Variants in AREG observed in about 807,000 individuals in gnomAD.
AREG encodes amphiregulin B.
In AREG, 16 loss-of-function variants were observed where a neutral mutation model predicts 28.0. That is an observed-to-expected ratio of 0.57 (90% CI 0.39 to 0.87). The LOEUF is 0.87. AREG is among the 40% of genes least tolerant of loss of function. The pLI, the probability that AREG is intolerant of heterozygous loss-of-function variation, is 0.00. For synonymous variants in AREG, 113 were observed against 113.5 expected, an observed-to-expected ratio of 1.00 and a Z score of 0.02; for missense variants, 287 against 309.1, an observed-to-expected ratio of 0.93 and a Z score of 0.53.
intron 2 of AREG, among the ~76,000 whole-genome samples, chr4:74,448,381 C>A (rs1384750952): frequency 2.0e-5 from 3 of 152,162 alleles, no homozygotes; most frequent in Admixed American, 6.5e-5. Context: ...ATCTTTGATA[C>A]CCTAGTTGAC....
At position 74,448,694 on chromosome 4, in the gene AREG, G is replaced by A. The variant is rs982360218; in HGVS notation, c.311-353G>A. 4.5e-4 allele frequency: 93 copies of A among 204,576 alleles called. 2 individuals carry two copies. The highest frequency in any genetic ancestry group is 1.7e-3 in the African/African-American group (74 of 42,972). 12.7% of individuals were successfully genotyped at this position (204,576 alleles called of 1,614,324 possible). ...TCCTGTTTTCAAATAGATTGACCAC[G>A]AAAATGAGCTCCATGGAAATTATCA... On this transcript the variant is annotated intron_variant, in intron 2 of 5. Coordinates refer to ENST00000395748, the MANE Select transcript of AREG (RefSeq NM_001657.4).
chr4:74,445,699 C>G (rs1578843075), intron 1 of AREG, among the ~76,000 whole-genome samples: 1 of 152,144 alleles, frequency 6.6e-6, no homozygotes, highest in East Asian at 1.9e-4. Context: ...TTAAAAAGAC[C>G]AAGATCTAGA....
chr4:74,454,618 C>G, intron 5 of AREG, 141 bp from the exon 6 acceptor site: 1 of 511,342 alleles, frequency 2.0e-6, no homozygotes, highest in Non-Finnish European at 3.4e-6. Flanking sequence ...TAGCATTTCT[C>G]AAACGATGTA....
chr4:74,446,906 C>T, intron 2 of AREG, 124 bp downstream of exon 2: 1 of 1,583,154 alleles, frequency 6.3e-7, no homozygotes. Flanking sequence ...GTTGGATAGC[C>T]CCTAGGTAAA....
In AREG at chr4:74,445,303, C is replaced by T. The variant is rs769289496; in HGVS notation, c.-43C>T. 3.8e-6 allele frequency: 6 copies of T among 1,598,838 alleles called. No individual in the cohort carries two copies. Among genetic ancestry groups the T allele is most frequent in the South Asian group, 3.4e-5 (3 of 88,640 alleles). ...TGGCGGCAGCTCGTGTCCCAGAGACCGAGTTGCCCCAGAGACCGAGACGCC... is the reference window on the plus strand; with the variant it reads ...TGGCGGCAGCTCGTGTCCCAGAGACTGAGTTGCCCCAGAGACCGAGACGCC... On this transcript the variant is annotated 5_prime_UTR_variant, in exon 1 of 6. Transcript: ENST00000395748.
At chr4:74,446,490 C>T (rs1719289552) in intron 1 of AREG, 44 bp from the exon 2 acceptor site, 1 of 1,613,800 alleles carries the variant, frequency 6.2e-7, no homozygotes, top group Non-Finnish European at 8.5e-7. Flanking sequence ...CGAAAGGCAC[C>T]CTACTTTACC....
rs1051418205 is a variant in AREG at position 74,454,851 on chromosome 4, A to G, written c.*111A>G. The G allele has an allele frequency of 2.9e-6, 2 of 699,620 alleles. No individual in the cohort carries two copies. The highest frequency in any genetic ancestry group is 1.7e-5 in the African/African-American group (1 of 57,148). The allele number at this position is 699,620 out of a possible 1,614,324, so 43.3% of individuals were successfully genotyped here. ...CATAAGACAATGGACCCTTTTTGTT[A>G]TGATGGTTTTAAACTTTCAATTGTC... On this transcript the variant is annotated 3_prime_UTR_variant, in exon 6 of 6. Transcript: ENST00000395748.
At chr4:74,451,695 A>T (rs1178791100) in intron 4 of AREG, among the ~76,000 whole-genome samples, 1 of 152,200 alleles carries the variant, frequency 6.6e-6, no homozygotes, top group Non-Finnish European at 1.5e-5. Flanking sequence ...ATTTTAAAGG[A>T]TAGAACAAAA....
In AREG at chr4:74,445,238, A is replaced by G. The variant is rs7656521; in HGVS notation, c.-108A>G. Reference sequence around the variant, plus strand: ...CCCCAAGCCTTCGAGAGCGGCGCACACTCCCGGTCTCCACTCGCTCTTCCA... The same window carrying G: ...CCCCAAGCCTTCGAGAGCGGCGCACGCTCCCGGTCTCCACTCGCTCTTCCA... On this transcript the variant is annotated 5_prime_UTR_variant, in exon 1 of 6. Coordinates refer to ENST00000395748, the MANE Select transcript of AREG (RefSeq NM_001657.4). 2 of 1,539,844 alleles carry G rather than the reference A, an allele frequency of 1.3e-6. No homozygotes were observed. Among genetic ancestry groups the G allele is most frequent in the South Asian group, 1.2e-5 (1 of 83,558 alleles).
At chr4:74,453,180 CTAAA>C (rs1719407441) in intron 5 of AREG, among the ~76,000 whole-genome samples, 1 of 152,132 alleles carries the variant, frequency 6.6e-6, no homozygotes, top group South Asian at 2.1e-4. Context: ...ATGGCTTAAT[CTAAA>C]TGAGTGTTAG....
chr4:74,448,885 TAG>T, intron 2 of AREG, 160 bp from the exon 3 acceptor site: 1 of 1,005,290 alleles, frequency 9.9e-7, no homozygotes, highest in Non-Finnish European at 1.4e-6. Context: ...AATTATAAAT[TAG>T]GGTTATGCAG....
In AREG at chr4:74,452,035, A is replaced by G. The variant is rs1719389340; in HGVS notation, c.666-509A>G. 5.9e-5 allele frequency among the ~76,000 whole-genome samples: 9 copies of G among 152,326 alleles called. No individual in the cohort carries two copies. The South Asian group carries it at 1.2e-3, about 21-fold the overall frequency. On this transcript the variant is annotated intron_variant, in intron 4 of 5. Transcript: ENST00000395748. The stretch of plus-strand genomic sequence containing the variant: ...GACCTCCTAACAACAGGGGGTTTTT[A>G]TACAACAACAAGAAGTTTTTAAATA...
chr4:74,445,434 G>A, intron 1 of AREG, 28 bp downstream of exon 1: 1 of 1,599,454 alleles, frequency 6.3e-7, no homozygotes, highest in Non-Finnish European at 8.5e-7. Context: ...CTGAACTGCT[G>A]GGCTCTCCTC....
rs905552599 is a variant in AREG at position 74,446,270 on chromosome 4, C to T, written c.62-264C>T. Among the ~76,000 whole-genome samples the T allele has an allele frequency of 3.5e-4, 54 of 152,148 alleles. 1 individual carries two copies. Among genetic ancestry groups the T allele is most frequent in the South Asian group, 1.2e-3 (6 of 4,826 alleles). ...GTATTAGATTAATTTGCCAATTTGG[C>T]GGGATTTTTTTGATGTGGAAATTAA... On this transcript the variant is annotated intron_variant, in intron 1 of 5. Transcript: ENST00000395748.
intron 1 of AREG, among the ~76,000 whole-genome samples, chr4:74,445,778 C>G (rs908538149): frequency 6.6e-6 from 1 of 152,164 alleles, no homozygotes; most frequent in Non-Finnish European, 1.5e-5. Flanking sequence ...TTCTCCATCT[C>G]TGTCTAGTGA....
rs1719339975 is a variant in AREG at position 74,449,141 on chromosome 4, A to C, written c.405A>C (p.Lys135Asn). 1 of 1,612,832 alleles carries C rather than the reference A, an allele frequency of 6.2e-7. No homozygotes were observed. Among genetic ancestry groups the C allele is most frequent in the Non-Finnish European group, 8.5e-7 (1 of 1,179,732 alleles). Residue 135 changes from lysine to asparagine, a missense_variant, in exon 3 of 6, where the codon AAA becomes AAC. Transcript: ENST00000395748. ...KRKKKGGKNG[K>N]NRRNRKKKNP... ...AGAAAAAGGGAGGCAAAAATGGAAA[A>C]AATAGAAGAAACAGAAAGAAGAAAA...
intron 5 of AREG, 58 bp downstream of exon 5, chr4:74,452,713 CTATA>C (rs1287710948): frequency 1.7e-5 from 24 of 1,445,172 alleles, no homozygotes; most frequent in Non-Finnish European, 9.4e-7. Flanking sequence ...AAATTTAACA[CTATA>C]TAATCTCAAG....
At chr4:74,450,014 G>C (rs1719357282) in intron 3 of AREG, among the ~76,000 whole-genome samples, 1 of 150,658 alleles carries the variant, frequency 6.6e-6, no homozygotes, top group Non-Finnish European at 1.5e-5. Context: ...GGTAATTTTT[G>C]CATAATCTTT....
chr4:74,452,779 G>A, intron 5 of AREG, 124 bp downstream of exon 5: 1 of 815,964 alleles, frequency 1.2e-6, no homozygotes, highest in South Asian at 1.9e-5. Flanking sequence ...CAATGGCTAT[G>A]TTAAAGTATT....
Sources: gnomAD v4.1 joint callset for allele counts (sites outside exome capture counted in the v4.1 genomes callset) on GRCh38, gnomAD v4.1.1 for gene constraint, MANE v1.5 for transcripts, NCBI Gene and HGNC (gene_info 2026-07-23, HGNC 2026-07-21) for gene names.